Variants in PALLD observed in about 807,000 individuals in gnomAD.
PALLD encodes the protein palladin.
Under a neutral mutation model 123.5 loss-of-function variants are expected in PALLD, and 61 were observed. That is an observed-to-expected ratio of 0.49 (90% CI 0.40 to 0.61). The LOEUF is 0.61. Among genes scored for constraint, PALLD ranks in the 20% least tolerant of loss-of-function variants. The pLI, the probability that PALLD is intolerant of heterozygous loss-of-function variation, is 0.00. For missense variants in PALLD, 1,273 were observed against 1,377.0 expected (o/e 0.92, Z 1.20); for synonymous variants, 465 against 496.4 (o/e 0.94, Z 0.84).
intron 2 of PALLD, among the ~76,000 whole-genome samples, chr4:168,588,509 C>T (rs1229007675): frequency 1.3e-5 from 2 of 152,202 alleles, no homozygotes; most frequent in Non-Finnish European, 1.5e-5. Flanking sequence ...TCAAGCGATT[C>T]TCATGCCTCA....
intron 10 of PALLD, among the ~76,000 whole-genome samples, chr4:168,818,967 T>G (rs1211376370): frequency 6.6e-6 from 1 of 152,094 alleles, no homozygotes; most frequent in African/African-American, 2.4e-5. Flanking sequence ...TACATAGAGG[T>G]AGATTTTTTG....
At chr4:168,616,601 C>G (rs375595566) in intron 2 of PALLD, among the ~76,000 whole-genome samples, 1 of 152,082 alleles carries the variant, frequency 6.6e-6, no homozygotes, top group Non-Finnish European at 1.5e-5. Flanking sequence ...GATTGGAATC[C>G]CATATGGTAT....
chr4:168,781,108 CT>C (rs1284622544), intron 10 of PALLD, among the ~76,000 whole-genome samples: 1 of 152,152 alleles, frequency 6.6e-6, no homozygotes, highest in African/African-American at 2.4e-5. Context: ...TACTTGTTGG[CT>C]TTCTTTCTTT....
At position 168,512,092 on chromosome 4, in the gene PALLD, G is replaced by A; in HGVS notation, c.588G>A (p.Glu196=). The A allele has an allele frequency of 6.2e-7, 1 of 1,614,212 alleles. No homozygotes were observed. The highest frequency in any genetic ancestry group is 1.1e-5 in the South Asian group (1 of 91,088). Reference sequence around the variant, plus strand: ...CAAGAAACAGAAGCCCAAATGGGGAGTCCTCGTCACCAGACAGTGGGTACC... The same window carrying A: ...CAAGAAACAGAAGCCCAAATGGGGAATCCTCGTCACCAGACAGTGGGTACC... ...AKPRNRSPNG[E]SSSPDSGYLS... The change falls in exon 2 of 22, where the codon GAG becomes GAA. Residue 196 remains glutamate, a synonymous_variant. Transcript: ENST00000505667.
At chr4:168,633,273 A>G (rs1776013102) in intron 2 of PALLD, among the ~76,000 whole-genome samples, 1 of 152,194 alleles carries the variant, frequency 6.6e-6, no homozygotes, top group Admixed American at 6.5e-5. Context: ...GGTTATTTTC[A>G]GTAACCTAAG....
chr4:168,855,776 G>A (rs1425815440), intron 10 of PALLD, among the ~76,000 whole-genome samples: 2 of 152,352 alleles, frequency 1.3e-5, no homozygotes, highest in African/African-American at 2.4e-5. Context: ...AGGCATGCTT[G>A]AACATTGCTC....
At chr4:168,711,978 G>A in intron 10 of PALLD, 55 bp downstream of exon 10, 4 of 1,502,894 alleles carry the variant, frequency 2.7e-6, no homozygotes, top group Non-Finnish European at 3.7e-6. Flanking sequence ...TACATTTCCT[G>A]TCTGGTGAGA....
chr4:168,884,590 CTCT>C (rs1753084283), intron 10 of PALLD, among the ~76,000 whole-genome samples: 1 of 152,138 alleles, frequency 6.6e-6, no homozygotes, highest in Non-Finnish European at 1.5e-5. Flanking sequence ...CCATTCTTTT[CTCT>C]TATCTCTTTC....
rs114426705 is a variant in PALLD at position 168,835,587 on chromosome 4, G to A, written c.1965-55335G>A. On this transcript the variant is annotated intron_variant, in intron 10 of 21. Transcript: ENST00000505667. Reference sequence around the variant, plus strand: ...GCCCTAGATCTCTTTGAGATTGCACGAATTTAAGGGATTTTTTTTAAAAAA... The same window carrying A: ...GCCCTAGATCTCTTTGAGATTGCACAAATTTAAGGGATTTTTTTTAAAAAA... Among the ~76,000 whole-genome samples the A allele has an allele frequency of 1.9e-3, 295 of 152,030 alleles. 1 individual carries two copies. Among genetic ancestry groups the A allele is most frequent in the Middle Eastern group, 0.014 (4 of 292 alleles).
chr4:168,850,554 G>A (rs1317461491), intron 10 of PALLD, among the ~76,000 whole-genome samples: 1 of 12,338 alleles, frequency 8.1e-5, no homozygotes, highest in Non-Finnish European at 2.0e-4. Context: ...TTTTTTTTGA[G>A]ATGGAGTTTT....
chr4:168,596,799 C>A (rs907255944), intron 2 of PALLD, among the ~76,000 whole-genome samples: 1 of 151,156 alleles, frequency 6.6e-6, no homozygotes. Context: ...TTTACCATCT[C>A]TCTGACTTGG....
At chr4:168,687,902 C>A (rs1230023937) in intron 6 of PALLD, among the ~76,000 whole-genome samples, 1 of 152,178 alleles carries the variant, frequency 6.6e-6, no homozygotes, top group Non-Finnish European at 1.5e-5. Context: ...TGTCAATTCA[C>A]TGGAAGCTCA....
At chr4:168,921,882 A>G in intron 18 of PALLD, 141 bp downstream of exon 18, 1 of 750,974 alleles carries the variant, frequency 1.3e-6, no homozygotes, top group South Asian at 1.5e-5. Flanking sequence ...CAATGAGGAC[A>G]TGGTTATAAG....
At chr4:168,649,763 A>G (rs1580761412) in intron 2 of PALLD, among the ~76,000 whole-genome samples, 2 of 152,368 alleles carry the variant, frequency 1.3e-5, no homozygotes, top group South Asian at 2.1e-4. Flanking sequence ...CTTTTCCTAC[A>G]ACATAATGGT....
At chr4:168,813,304 T>C (rs1050788055) in intron 10 of PALLD, among the ~76,000 whole-genome samples, 1 of 152,148 alleles carries the variant, frequency 6.6e-6, no homozygotes, top group Non-Finnish European at 1.5e-5. Flanking sequence ...TCCAAGTTAG[T>C]GCTTTTCACT....
chr4:168,526,794 A>G (rs1426112149), intron 2 of PALLD, among the ~76,000 whole-genome samples: 3 of 152,160 alleles, frequency 2.0e-5, no homozygotes, highest in Non-Finnish European at 4.4e-5. Context: ...AGTTGATCAG[A>G]GCAGGAAACA....
At chr4:168,911,233 T>A (rs1758878607) in intron 15 of PALLD, among the ~76,000 whole-genome samples, 1 of 152,230 alleles carries the variant, frequency 6.6e-6, no homozygotes, top group Non-Finnish European at 1.5e-5. Flanking sequence ...TCCAGGTTAG[T>A]GAGGTGTGTT....
intron 8 of PALLD, among the ~76,000 whole-genome samples, chr4:168,692,828 C>T (rs1403009038): frequency 6.6e-6 from 1 of 152,164 alleles, no homozygotes; most frequent in East Asian, 1.9e-4. Flanking sequence ...CTCTTTTCAT[C>T]GTGTTGTTAT....
At chr4:168,861,257 A>G (rs1414861934) in intron 10 of PALLD, among the ~76,000 whole-genome samples, 1 of 147,244 alleles carries the variant, frequency 6.8e-6, no homozygotes, top group East Asian at 2.0e-4. Flanking sequence ...GAATAATCGA[A>G]TAAATCTATT....
Sources: gnomAD v4.1 joint callset for allele counts (sites outside exome capture counted in the v4.1 genomes callset) on GRCh38, gnomAD v4.1.1 for gene constraint, MANE v1.5 for transcripts, NCBI Gene and HGNC (gene_info 2026-07-23, HGNC 2026-07-21) for gene names.